Variants in SNAP91 observed in about 807,000 individuals in gnomAD.
SNAP91 encodes the protein synaptosome associated protein 91, also known as clathrin coat assembly protein AP180.
SNAP91 carries 27 observed loss-of-function variants against 100.3 expected under a neutral mutation model. The observed-to-expected ratio is 0.27, with a 90% CI of 0.20 to 0.37. SNAP91 has a LOEUF of 0.37. Ranked by LOEUF, SNAP91 falls within the 10% of genes least tolerant of loss-of-function variation. The probability of loss-of-function intolerance (pLI) is 1.00; values close to 1 mark genes in which losing one functional copy is unlikely to be tolerated. For missense variants in SNAP91, 986 were observed against 1,123.7 expected (o/e 0.88, Z 1.75); for synonymous variants, 404 against 398.6 (o/e 1.01, Z -0.16).
intron 11 of SNAP91, 35 bp from the exon 12 acceptor site, chr6:83,610,712 T>C (rs1562330855): frequency 2.2e-5 from 2 of 92,996 alleles, no homozygotes; most frequent in Non-Finnish European, 3.9e-5. Flanking sequence ...TAAAACTGAA[T>C]ATATATATAT....
At chr6:83,601,629 G>T in intron 14 of SNAP91, 30 bp from the exon 15 acceptor site, 1 of 1,609,168 alleles carries the variant, frequency 6.2e-7, no homozygotes, top group South Asian at 1.1e-5. Context: ...GGCAGCATAA[G>T]AATAAATAAG....
At chr6:83,690,286 T>C in intron 2 of SNAP91, 1 of 1,198,178 alleles carries the variant, frequency 8.3e-7, no homozygotes, top group Non-Finnish European at 1.1e-6. Flanking sequence ...CCAAAACAAA[T>C]GTAACATATT....
chr6:83,647,409 G>C (rs2097978474), intron 7 of SNAP91, among the ~76,000 whole-genome samples: 1 of 152,128 alleles, frequency 6.6e-6, no homozygotes, highest in South Asian at 2.1e-4. Context: ...ATGAATGGGT[G>C]TTGGATTTCA....
At chr6:83,654,086 G>A (rs2128674484) in intron 7 of SNAP91, among the ~76,000 whole-genome samples, 1 of 152,240 alleles carries the variant, frequency 6.6e-6, no homozygotes, top group Non-Finnish European at 1.5e-5. Flanking sequence ...AGCTCCTGGA[G>A]GTAAAACAAA....
chr6:83,665,729 G>T, intron 2 of SNAP91, 148 bp from the exon 3 acceptor site: 2 of 611,872 alleles, frequency 3.3e-6, no homozygotes, highest in Non-Finnish European at 5.4e-6. Flanking sequence ...AAATTAAACT[G>T]TAATATTTTA....
intron 7 of SNAP91, among the ~76,000 whole-genome samples, chr6:83,649,317 C>T (rs1188115699): frequency 6.6e-6 from 1 of 152,146 alleles, no homozygotes; most frequent in African/African-American, 2.4e-5. Context: ...GGGTGGCTCA[C>T]TCACATACCT....
intron 8 of SNAP91, among the ~76,000 whole-genome samples, chr6:83,635,459 T>C (rs1464140576): frequency 6.6e-6 from 1 of 152,196 alleles, no homozygotes; most frequent in Non-Finnish European, 1.5e-5. Context: ...TTTCTTTTTT[T>C]ACTGTTGTTG....
intron 2 of SNAP91, among the ~76,000 whole-genome samples, chr6:83,684,196 A>G (rs2099029468): frequency 6.6e-6 from 1 of 152,182 alleles, no homozygotes; most frequent in South Asian, 2.1e-4. Flanking sequence ...CTTCTCTTTC[A>G]TGCATCTGGA....
rs752090171 is a variant in SNAP91, at chr6:83,641,124, C to A, written c.737G>T (p.Arg246Leu). ...IYKRFLTRMTRVSEFLKVAEQ... is the reference protein window; with the variant it reads ...IYKRFLTRMTLVSEFLKVAEQ... Reference sequence around the variant, plus strand: ...TGCAACCTTGAGAAATTCAGACACTCGTGTCATTCTAGTTAGAAATCGTTT... The same window carrying A: ...TGCAACCTTGAGAAATTCAGACACTAGTGTCATTCTAGTTAGAAATCGTTT... The change falls in exon 8 of 30, where the codon CGA (arginine) becomes CTA (leucine). Residue 246 changes from arginine to leucine, a missense_variant. Physicochemically the swap from Arg to Leu is moderately radical, Grantham distance 102. Around this residue, in one of 4 missense-constraint regions of SNAP91, gnomAD observed 330 missense variants for 447.5 expected, o/e 0.74. Coordinates refer to ENST00000369694, the MANE Select transcript of SNAP91 (RefSeq NM_001242792.2). The A allele has an allele frequency of 6.5e-7, 1 of 1,543,316 alleles. No individual in the cohort carries two copies.
intron 2 of SNAP91, among the ~76,000 whole-genome samples, chr6:83,697,350 ACAC>A (rs2099230531): frequency 2.6e-5 from 4 of 151,594 alleles, no homozygotes; most frequent in Admixed American, 2.6e-4. Flanking sequence ...ACACACACAC[ACAC>A]ACACACACAC....
intron 28 of SNAP91, among the ~76,000 whole-genome samples, chr6:83,556,569 T>C (rs904385400): frequency 2.0e-5 from 3 of 152,166 alleles, no homozygotes; most frequent in Non-Finnish European, 4.4e-5. Flanking sequence ...ACATCAGATT[T>C]AGCCAAAGTA....
Position 83,556,187 on chromosome 6 carries a change from G to A in SNAP91, c.2690C>T (p.Pro897Leu). 6.3e-7 allele frequency: 1 copy of A among 1,574,976 alleles called. No individual in the cohort carries two copies. Among genetic ancestry groups the A allele is most frequent in the Non-Finnish European group, 8.6e-7 (1 of 1,159,994 alleles). The change falls in exon 29 of 30, where the codon CCA becomes CTA. Residue 897 changes from proline to leucine, a missense_variant. Coordinates refer to ENST00000369694, the MANE Select transcript of SNAP91 (RefSeq NM_001242792.2). ...ATCCTTGATGTTAAGATCCGCTAATGGGTCCTTTGCTGGAGGTTTCTTGGG... is the reference window on the plus strand; with the variant it reads ...ATCCTTGATGTTAAGATCCGCTAATAGGTCCTTTGCTGGAGGTTTCTTGGG... The part of the protein sequence containing the change: ...QSPKKPPAKD[P>L]LADLNIKDFL
At chr6:83,643,993 GA>G (rs2097817668) in intron 7 of SNAP91, among the ~76,000 whole-genome samples, 1 of 152,134 alleles carries the variant, frequency 6.6e-6, no homozygotes, top group Non-Finnish European at 1.5e-5. Context: ...TAAGAAATTT[GA>G]AAATAAGGAT....
At chr6:83,566,975 C>CT (rs1228221462) in intron 26 of SNAP91, among the ~76,000 whole-genome samples, 1 of 152,172 alleles carries the variant, frequency 6.6e-6, no homozygotes, top group Non-Finnish European at 1.5e-5. Flanking sequence ...TCATTCTTCA[C>CT]TTAAATAAAC....
chr6:83,663,787 T>A (rs879307509), intron 3 of SNAP91, among the ~76,000 whole-genome samples: 1 of 152,154 alleles, frequency 6.6e-6, no homozygotes, highest in Non-Finnish European at 1.5e-5. Context: ...AGATTTTCAA[T>A]GTAGATAAAG....
At position 83,593,489 on chromosome 6, in the gene SNAP91, T is replaced by C; in HGVS notation, c.1685A>G (p.Asp562Gly). ...ATATTAPPAL[D>G]IFGDLFESTP... ...TAACAAAAAATTACCACCAAAGATA[T>C]CTAGAGCAGGAGGAGCAGTGGTGGC... is the stretch of plus-strand genomic sequence containing the variant. Residue 562 changes from aspartate (D) to glycine (G), a missense_variant, in exon 18 of 30, where the codon GAT becomes GGT. Physicochemically the swap from Asp to Gly is moderately conservative, Grantham distance 94 (BLOSUM62 -1). Coordinates refer to ENST00000369694, the MANE Select transcript of SNAP91 (RefSeq NM_001242792.2). 2 of 1,551,500 alleles carry C rather than the reference T, an allele frequency of 1.3e-6. No individual in the cohort carries two copies. Among genetic ancestry groups the C allele is most frequent in the Non-Finnish European group, 1.7e-6 (2 of 1,146,920 alleles).
intron 23 of SNAP91, among the ~76,000 whole-genome samples, chr6:83,582,019 T>C (rs1261519705): frequency 1.3e-5 from 2 of 152,188 alleles, no homozygotes; most frequent in Non-Finnish European, 2.9e-5. Context: ...AGAGAAAGGA[T>C]TGCAGGTTAT....
intron 26 of SNAP91, among the ~76,000 whole-genome samples, chr6:83,565,253 C>T (rs1169933732): frequency 6.6e-6 from 1 of 152,060 alleles, no homozygotes; most frequent in African/African-American, 2.4e-5. Flanking sequence ...CCTCCCCTCT[C>T]TATCAGGGAC....
chr6:83,573,556 A>G (rs943780072), intron 26 of SNAP91, among the ~76,000 whole-genome samples: 13 of 152,170 alleles, frequency 8.5e-5, no homozygotes, highest in Non-Finnish European at 1.3e-4. Context: ...AAACTATACT[A>G]CAAGGCTACA....
Sources: allele counts gnomAD v4.1 joint callset (sites outside exome capture counted in the v4.1 genomes callset), GRCh38; gene constraint gnomAD v4.1.1; regional missense constraint gnomAD v4.1.1; transcripts MANE v1.5; gene names NCBI Gene and HGNC (gene_info 2026-07-23, HGNC 2026-07-21).